The following XKR6 variants were observed in gnomAD, a reference collection of about 807,000 sequenced individuals.
XKR6 encodes the protein XK related 6, also known as XK-related protein 6.
A neutral mutation model predicts 56.7 loss-of-function variants in XKR6; 22 were observed. The observed-to-expected ratio is 0.39, with a 90% CI of 0.28 to 0.55. XKR6 has a LOEUF of 0.55. Among genes scored for constraint, XKR6 ranks in the 20% least tolerant of loss-of-function variants. XKR6 has a pLI of 0.66. For synonymous variants in XKR6, 524 were observed against 387.8 expected (o/e 1.35, Z -4.13); for missense variants, 852 against 889.0 (o/e 0.96, Z 0.53).
intron 2 of XKR6, among the ~76,000 whole-genome samples, chr8:10,915,258 A>G (rs1429588798): frequency 6.6e-6 from 1 of 152,256 alleles, no homozygotes; most frequent in African/African-American, 2.4e-5. Flanking sequence ...TGCTAGGCAC[A>G]TAGTAGGTGA....
intron 1 of XKR6, among the ~76,000 whole-genome samples, chr8:11,186,447 G>C (rs1458786969): frequency 6.6e-6 from 1 of 152,174 alleles, no homozygotes; most frequent in Non-Finnish European, 1.5e-5. Context: ...CACAATCACA[G>C]GCCCCTGCAG....
intron 1 of XKR6, among the ~76,000 whole-genome samples, chr8:11,033,445 GTA>G (rs1799056047): frequency 6.6e-6 from 1 of 150,534 alleles, no homozygotes; most frequent in African/African-American, 2.5e-5. Flanking sequence ...GATGATGGTC[GTA>G]ATGATGATGA....
chr8:10,939,464 C>A (rs142525195), intron 1 of XKR6, among the ~76,000 whole-genome samples: 70 of 152,352 alleles, frequency 4.6e-4, no homozygotes, highest in African/African-American at 1.6e-3. Flanking sequence ...ATCCTAGAGA[C>A]CCAGGCCCCT....
intron 1 of XKR6, among the ~76,000 whole-genome samples, chr8:11,164,252 A>G (rs758173918): frequency 1.7e-4 from 26 of 152,220 alleles, no homozygotes; most frequent in Non-Finnish European, 2.9e-4. Context: ...ATCCTTTACA[A>G]TATCACACTC....
intron 1 of XKR6, among the ~76,000 whole-genome samples, chr8:11,091,458 G>A (rs28722721): frequency 0.55 from 80,467 of 147,378 alleles, 25,406 homozygotes; most frequent in African/African-American, 0.85. Flanking sequence ...TAAATAAATA[G>A]ATAGATAGAT....
At position 11,201,607 on chromosome 8, in the gene XKR6, C is replaced by T. The variant is rs1182353478; in HGVS notation, c.-268G>A. Among the ~76,000 whole-genome samples the T allele has an allele frequency of 6.6e-6, 1 of 152,084 alleles. No individual in the cohort carries two copies. The highest frequency in any genetic ancestry group is 2.4e-5 in the African/African-American group (1 of 41,428). On this transcript the variant is annotated 5_prime_UTR_variant, in exon 1 of 3. Transcript: ENST00000416569. ...GGCCAAGATGGCCGCCCTCCTGTGC[C>T]TCAGCTGCTGGGCGGGGGACCGGGG...
chr8:10,898,971 C>A lies in XKR6; in HGVS notation c.962-55G>T. ...AAAACCTTGGACATCAACCGCAGGG[C>A]ACAGTGAAGCTGCCGGCTGAGGAGA... On this transcript the variant is annotated intron_variant, in intron 2 of 2. Coordinates refer to ENST00000416569, the MANE Select transcript of XKR6 (RefSeq NM_173683.4). This position sits in a 1 kb window ranked among gnomAD's most constrained non-coding sequence, Gnocchi z 6.6. The A allele has an allele frequency of 6.6e-7, 1 of 1,524,160 alleles. No individual in the cohort carries two copies. 94.4% of individuals were successfully genotyped at this position (1,524,160 alleles called of 1,614,324 possible).
chr8:11,186,656 A>G (rs1287792517), intron 1 of XKR6, among the ~76,000 whole-genome samples: 1 of 152,202 alleles, frequency 6.6e-6, no homozygotes, highest in Non-Finnish European at 1.5e-5. Flanking sequence ...GTGAGATTAC[A>G]GGCATGAGAC....
chr8:11,058,422 G>T (rs143576000), intron 1 of XKR6, among the ~76,000 whole-genome samples: 2 of 152,282 alleles, frequency 1.3e-5, no homozygotes, highest in African/African-American at 4.8e-5. Context: ...TATTTGCTAC[G>T]TAAATGAACC....
intron 1 of XKR6, among the ~76,000 whole-genome samples, chr8:10,953,235 G>A (rs534854503): frequency 6.6e-6 from 1 of 152,290 alleles, no homozygotes; most frequent in Admixed American, 6.5e-5. Flanking sequence ...ACTGGTCCCT[G>A]GTGCCAAAAA....
At chr8:11,191,035 CAT>C (rs1046802531) in intron 1 of XKR6, among the ~76,000 whole-genome samples, 1 of 152,324 alleles carries the variant, frequency 6.6e-6, no homozygotes, top group East Asian at 1.9e-4. Context: ...GTATCACACA[CAT>C]GTCCTCTCCA....
intron 2 of XKR6, among the ~76,000 whole-genome samples, chr8:10,913,086 C>T (rs913741805): frequency 1.4e-5 from 2 of 147,286 alleles, no homozygotes; most frequent in Non-Finnish European, 3.0e-5. Context: ...GTGAGTATAT[C>T]TATATATAGA....
At chr8:11,020,938 TG>T (rs1388059824) in intron 1 of XKR6, among the ~76,000 whole-genome samples, 2 of 152,216 alleles carry the variant, frequency 1.3e-5, no homozygotes, top group African/African-American at 4.8e-5. Flanking sequence ...GCATAGTGGC[TG>T]GCACAGAGTA....
intron 1 of XKR6, among the ~76,000 whole-genome samples, chr8:10,954,506 G>T (rs980343867): frequency 4.6e-5 from 7 of 152,000 alleles, no homozygotes; most frequent in African/African-American, 1.7e-4. Flanking sequence ...TTATTAATTG[G>T]GTTTTCTCTT....
chr8:10,986,695 C>A (rs768612081), intron 1 of XKR6, among the ~76,000 whole-genome samples: 2 of 152,148 alleles, frequency 1.3e-5, no homozygotes, highest in Non-Finnish European at 1.5e-5. Flanking sequence ...ATGATCTAGA[C>A]AATATTCCTT....
At chr8:11,050,784 G>A (rs981043025) in intron 1 of XKR6, among the ~76,000 whole-genome samples, 1 of 151,828 alleles carries the variant, frequency 6.6e-6, no homozygotes, top group African/African-American at 2.4e-5. Flanking sequence ...CCCCACAGAC[G>A]GATGACCATG....
At chr8:11,178,237 A>C (rs1487018041) in intron 1 of XKR6, among the ~76,000 whole-genome samples, 1 of 152,148 alleles carries the variant, frequency 6.6e-6, no homozygotes, top group Non-Finnish European at 1.5e-5. Flanking sequence ...CTCAACAACA[A>C]ATCTGTCTAC....
At chr8:11,138,634 G>A (rs553416488) in intron 1 of XKR6, 152 of 152,156 alleles carry the variant, frequency 1.0e-3, no homozygotes, top group African/African-American at 3.5e-3. Flanking sequence ...TCAACTCCAT[G>A]CAACAAAGGT....
chr8:10,975,005 G>C (rs1192495789), intron 1 of XKR6, among the ~76,000 whole-genome samples: 1 of 152,040 alleles, frequency 6.6e-6, no homozygotes, highest in Non-Finnish European at 1.5e-5. Context: ...TTTTTAAAAA[G>C]AACATCTGGT....
Sources: allele counts gnomAD v4.1 joint callset (sites outside exome capture counted in the v4.1 genomes callset), GRCh38; gene constraint gnomAD v4.1.1; non-coding constraint Gnocchi (gnomAD v3.1); transcripts MANE v1.5; gene names NCBI Gene and HGNC (gene_info 2026-07-23, HGNC 2026-07-21).